Variants in CSTPP1 observed in about 807,000 individuals in gnomAD.
CSTPP1 encodes the protein UPF0705 protein C11orf49.
the CSTPP1 span, among the ~76,000 whole-genome samples, chr11:46,995,697 C>T: frequency 6.6e-6 from 1 of 152,126 alleles, no homozygotes; most frequent in Non-Finnish European, 1.5e-5. Context: ...TTACTACCAA[C>T]TATGTGGTCA....
At chr11:47,127,807 C>T in the CSTPP1 span, among the ~76,000 whole-genome samples, 18 of 152,040 alleles carry the variant, frequency 1.2e-4, no homozygotes, top group Non-Finnish European at 2.1e-4. Flanking sequence ...CCTAATGTCA[C>T]ATGGCTAGTT....
At chr11:47,000,711 G>A in the CSTPP1 span, among the ~76,000 whole-genome samples, 27 of 152,278 alleles carry the variant, frequency 1.8e-4, no homozygotes, top group Admixed American at 1.6e-3. Context: ...GAATAGAGCA[G>A]TGAGCAAGAC....
At chr11:47,103,004 A>AG in the CSTPP1 span, among the ~76,000 whole-genome samples, 1 of 151,684 alleles carries the variant, frequency 6.6e-6, no homozygotes, top group Non-Finnish European at 1.5e-5. Flanking sequence ...AAAAAAAAAA[A>AG]AAAGCCAGAT....
chr11:47,121,255 T>C, the CSTPP1 span, among the ~76,000 whole-genome samples: 291 of 152,332 alleles, frequency 1.9e-3, 2 homozygotes, highest in African/African-American at 6.5e-3. Context: ...CTAATCTGTA[T>C]TGGGCTTAGA....
At chr11:47,078,712 T>C in the CSTPP1 span, among the ~76,000 whole-genome samples, 1 of 151,762 alleles carries the variant, frequency 6.6e-6, no homozygotes, top group Non-Finnish European at 1.5e-5. Flanking sequence ...AGGAAGGAAA[T>C]TGAGGGACTT....
chr11:47,021,748 G>C, the CSTPP1 span, among the ~76,000 whole-genome samples: 1 of 152,272 alleles, frequency 6.6e-6, no homozygotes, highest in South Asian at 2.1e-4. Flanking sequence ...AAGAGATCTG[G>C]GGGGCTCTCA....
chr11:47,154,598 A>G, the CSTPP1 span: 1 of 153,208 alleles, frequency 6.5e-6, no homozygotes, highest in Non-Finnish European at 1.5e-5. Context: ...ACAAGTGCAG[A>G]TTCCCCAATA....
chr11:47,037,965 G>C, the CSTPP1 span, among the ~76,000 whole-genome samples: 2 of 125,672 alleles, frequency 1.6e-5, no homozygotes, highest in African/African-American at 5.0e-5. Context: ...AGGGGCGGCC[G>C]GGCAGAGGGC....
chr11:46,956,814 C>G, the CSTPP1 span, among the ~76,000 whole-genome samples: 1 of 151,654 alleles, frequency 6.6e-6, no homozygotes, highest in African/African-American at 2.4e-5. Flanking sequence ...TCCCTTCTTC[C>G]TAGTCTTCCA....
the CSTPP1 span, among the ~76,000 whole-genome samples, chr11:47,152,153 G>A: frequency 6.6e-6 from 1 of 151,932 alleles, no homozygotes; most frequent in Admixed American, 6.6e-5. Flanking sequence ...GGGAGGCTGA[G>A]GCAGGAGAAT....
At chr11:47,101,002 A>AT in the CSTPP1 span, among the ~76,000 whole-genome samples, 12,361 of 139,342 alleles carry the variant, frequency 0.089, 1,708 homozygotes, top group African/African-American at 0.3. Flanking sequence ...TTCTGAGGGA[A>AT]TTTTTTTTTT....
chr11:46,983,583 G>C, the CSTPP1 span, among the ~76,000 whole-genome samples: 2,620 of 152,286 alleles, frequency 0.017, 70 homozygotes, highest in African/African-American at 0.06. Context: ...CTCCAGGGAT[G>C]CAGGTGTGCT....
At chr11:47,161,501 G>A in the CSTPP1 span, 1 of 1,614,134 alleles carries the variant, frequency 6.2e-7, no homozygotes, top group African/African-American at 1.3e-5. Context: ...CTCGGTCACA[G>A]CCAGTCCAGA....
chr11:47,105,631 T>C, the CSTPP1 span, among the ~76,000 whole-genome samples: 9 of 152,230 alleles, frequency 5.9e-5, no homozygotes, highest in Non-Finnish European at 1.2e-4. Flanking sequence ...CATGAAGGTA[T>C]TCCCATTTTA....
the CSTPP1 span, among the ~76,000 whole-genome samples, chr11:47,147,513 T>C: frequency 6.6e-6 from 1 of 152,164 alleles, no homozygotes; most frequent in Non-Finnish European, 1.5e-5. Flanking sequence ...TCCAGAGTAA[T>C]GACACCTTCA....
the CSTPP1 span, among the ~76,000 whole-genome samples, chr11:47,005,421 T>C: frequency 2.3e-4 from 35 of 152,176 alleles, no homozygotes; most frequent in Admixed American, 1.3e-3. Flanking sequence ...GTAAAACTCA[T>C]TGAATAACGA....
the CSTPP1 span, chr11:47,052,146 G>C: frequency 2.7e-6 from 1 of 363,720 alleles, no homozygotes; most frequent in Non-Finnish European, 4.9e-6. Flanking sequence ...GATGTCCTCT[G>C]TGTGTACCTG....
the CSTPP1 span, among the ~76,000 whole-genome samples, chr11:47,036,782 A>G: frequency 1.2e-4 from 15 of 127,290 alleles, no homozygotes; most frequent in African/African-American, 3.0e-4. Context: ...GGTTCAATCA[A>G]TTCTCCTCCC....
the CSTPP1 span, among the ~76,000 whole-genome samples, chr11:46,998,112 C>T: frequency 2.2e-4 from 34 of 152,302 alleles, no homozygotes; most frequent in Admixed American, 1.7e-3. Flanking sequence ...GGAAATCACC[C>T]GTCTTCTGCG....
Sources: allele counts gnomAD v4.1 joint callset (sites outside exome capture counted in the v4.1 genomes callset), GRCh38; gene constraint gnomAD v4.1.1; transcripts MANE v1.5; gene names NCBI Gene and HGNC (gene_info 2026-07-23, HGNC 2026-07-21).